The following WWOX variants were observed in gnomAD, a reference collection of about 807,000 sequenced individuals.
The protein encoded by WWOX is WW domain-containing oxidoreductase.
A neutral mutation model predicts 46.2 loss-of-function variants in WWOX; 69 were observed. The observed-to-expected ratio is 1.49, with a 90% CI of 1.23 to 1.82. The LOEUF is 1.82. WWOX is among the 40% of genes most tolerant of loss of function. WWOX has a pLI of 0.00. For missense variants in WWOX, 919 were observed against 542.6 expected (o/e 1.69, Z -6.89); for synonymous variants, 359 against 202.6 (o/e 1.77, Z -6.56).
At chr16:78,976,476 C>G (rs1162159117) in intron 8 of WWOX, among the ~76,000 whole-genome samples, 1 of 152,172 alleles carries the variant, frequency 6.6e-6, no homozygotes, top group East Asian at 1.9e-4. Context: ...GCCTGGGAGG[C>G]TGACTGAGCA....
intron 5 of WWOX, among the ~76,000 whole-genome samples, chr16:78,233,766 A>G (rs1361743724): frequency 6.6e-6 from 1 of 152,074 alleles, no homozygotes; most frequent in Non-Finnish European, 1.5e-5. Flanking sequence ...TGACCTGGTG[A>G]TCCGCCTGTC....
chr16:79,205,883 G>C (rs1401934311), intron 8 of WWOX: 2 of 152,194 alleles, frequency 1.3e-5, no homozygotes, highest in Admixed American at 6.5e-5. Context: ...ACATGCGTGG[G>C]AACTGATAAG....
intron 8 of WWOX, among the ~76,000 whole-genome samples, chr16:78,840,004 CCA>C: frequency 6.6e-6 from 1 of 152,280 alleles, no homozygotes; most frequent in South Asian, 2.1e-4. Flanking sequence ...CTTTTCTGAG[CCA>C]CAGTTTCTTC....
intron 8 of WWOX, among the ~76,000 whole-genome samples, chr16:79,158,594 AAC>A (rs2050426723): frequency 6.6e-6 from 1 of 152,198 alleles, no homozygotes; most frequent in African/African-American, 2.4e-5. Flanking sequence ...CAATTCCTTG[AAC>A]ACACCAAGTT....
chr16:78,106,561 C>A (rs1006494361), intron 1 of WWOX, among the ~76,000 whole-genome samples: 1 of 151,842 alleles, frequency 6.6e-6, no homozygotes, highest in Admixed American at 6.6e-5. Context: ...GGATTACAGG[C>A]ATGTGCCACC....
intron 6 of WWOX, among the ~76,000 whole-genome samples, chr16:78,390,281 G>A (rs528912200): frequency 6.6e-6 from 1 of 152,318 alleles, no homozygotes; most frequent in Non-Finnish European, 1.5e-5. Flanking sequence ...TACATAATAG[G>A]ATCATCTTCC....
At chr16:79,185,506 C>CT (rs927426789) in intron 8 of WWOX, among the ~76,000 whole-genome samples, 10 of 151,754 alleles carry the variant, frequency 6.6e-5, no homozygotes, top group African/African-American at 2.2e-4. Flanking sequence ...CACCTCCTGC[C>CT]CCCTGGCCAG....
intron 8 of WWOX, among the ~76,000 whole-genome samples, chr16:78,933,686 A>G (rs1302501363): frequency 6.6e-6 from 1 of 152,192 alleles, no homozygotes; most frequent in Admixed American, 6.5e-5. Flanking sequence ...GGGGCAGACA[A>G]GAGAGGAGAG....
At chr16:78,282,178 G>GGCCCC (rs2079690458) in intron 5 of WWOX, among the ~76,000 whole-genome samples, 1 of 152,172 alleles carries the variant, frequency 6.6e-6, no homozygotes, top group African/African-American at 2.4e-5. Flanking sequence ...GAGTCTGAGA[G>GGCCCC]GCCCCGTTCC....
intron 8 of WWOX, among the ~76,000 whole-genome samples, chr16:78,876,669 G>T (rs750240734): frequency 2.0e-5 from 3 of 152,090 alleles, no homozygotes; most frequent in Non-Finnish European, 4.4e-5. Flanking sequence ...GGCTATTAAA[G>T]ATTTGCCATT....
chr16:78,932,068 C>T (rs551764222), intron 8 of WWOX, among the ~76,000 whole-genome samples: 16 of 152,302 alleles, frequency 1.1e-4, no homozygotes, highest in East Asian at 1.9e-4. Flanking sequence ...ACTGTGAGTC[C>T]GTTAAACCTC....
intron 8 of WWOX, among the ~76,000 whole-genome samples, chr16:79,152,604 G>T (rs2050302580): frequency 1.3e-5 from 2 of 151,774 alleles, no homozygotes; most frequent in African/African-American, 4.8e-5. Context: ...CCGGGAGGCA[G>T]AGGTTGCAGT....
At chr16:78,615,753 ATTT>A (rs57166697) in intron 8 of WWOX, among the ~76,000 whole-genome samples, 1 of 144,856 alleles carries the variant, frequency 6.9e-6, no homozygotes. Flanking sequence ...CAATAGGATA[ATTT>A]TTTTTTTTTT....
chr16:78,506,812 A>G (rs368722137), intron 8 of WWOX, among the ~76,000 whole-genome samples: 3 of 148,200 alleles, frequency 2.0e-5, no homozygotes, highest in African/African-American at 5.0e-5. Flanking sequence ...CTCCAGGTTT[A>G]AGTGATTCTC....
intron 8 of WWOX, among the ~76,000 whole-genome samples, chr16:79,122,192 G>T (rs2049649109): frequency 6.6e-6 from 1 of 152,100 alleles, no homozygotes; most frequent in African/African-American, 2.4e-5. Flanking sequence ...CCTCTGTGAA[G>T]TTGTACCGCC....
At chr16:78,333,641 T>G (rs1370686755) in intron 5 of WWOX, among the ~76,000 whole-genome samples, 1 of 152,180 alleles carries the variant, frequency 6.6e-6, no homozygotes, top group Non-Finnish European at 1.5e-5. Flanking sequence ...ATAGGAGTAC[T>G]TCATTAAGTC....
At chr16:78,911,536 A>G (rs969097865) in intron 8 of WWOX, among the ~76,000 whole-genome samples, 2 of 152,104 alleles carry the variant, frequency 1.3e-5, no homozygotes, top group African/African-American at 4.8e-5. Context: ...GAATGAAATA[A>G]GACTCTTAGG....
chr16:78,333,043 C>CTTGTTTTTTTTTTTTTTTTTTTTTT (rs2080797694), intron 5 of WWOX, among the ~76,000 whole-genome samples: 1 of 57,094 alleles, frequency 1.8e-5, no homozygotes, highest in Non-Finnish European at 3.8e-5. Context: ...GAGCATTATA[C>CTTGTTTTTTTTTTTTTTTTTTTTTT]TTTTTTTTTT....
chr16:78,761,205 G>T (rs372363044), intron 8 of WWOX, among the ~76,000 whole-genome samples: 18 of 152,228 alleles, frequency 1.2e-4, no homozygotes, highest in African/African-American at 4.3e-4. Context: ...TCCAAATATA[G>T]TTAATGGCCT....
Sources: gnomAD v4.1 joint callset for allele counts (sites outside exome capture counted in the v4.1 genomes callset) on GRCh38, gnomAD v4.1.1 for gene constraint, MANE v1.5 for transcripts, NCBI Gene and HGNC (gene_info 2026-07-23, HGNC 2026-07-21) for gene names.